Variants in ZDHHC24 observed in about 807,000 individuals in gnomAD.
The protein encoded by ZDHHC24 is zDHHC palmitoyltransferase 24.
In ZDHHC24, 17 loss-of-function variants were observed where a neutral mutation model predicts 23.2. The ratio of observed to expected loss-of-function variants is 0.73; its 90% CI spans 0.50 to 1.10. The LOEUF is 1.10. Among genes scored for constraint, ZDHHC24 ranks in the 50% least tolerant of loss-of-function variants. The pLI is 0.00. For synonymous variants in ZDHHC24, 186 were observed against 194.5 expected (o/e 0.96, Z 0.36); for missense variants, 366 against 393.0 (o/e 0.93, Z 0.58).
Position 66,543,624 on chromosome 11 carries a change from T to C in ZDHHC24, c.559+80A>G, listed in dbSNP as rs957172926. On this transcript the variant is annotated intron_variant, in intron 2 of 2. Coordinates refer to ENST00000310442, the MANE Select transcript of ZDHHC24 (RefSeq NM_207340.3). ...TGGGTCCCCCAGGCCAGAAAGCCCG[T>C]CTCCCACCAGAATGGGCTGTACTCC... The C allele has an allele frequency of 1.1e-5, 16 of 1,453,594 alleles. No individual in the cohort carries two copies. The African/African-American group carries it at 1.7e-4, about 16-fold the overall frequency. 90.0% of individuals were successfully genotyped at this position (1,453,594 alleles called of 1,614,324 possible). A position where few individuals can be genotyped will look rare whatever the true frequency, so the allele number is the denominator to read the frequency against.
chr11:66,531,632 T>C, downstream of ZDHHC24: 1 of 1,613,846 alleles, frequency 6.2e-7, no homozygotes, highest in South Asian at 1.1e-5. Context: ...GCTGGTTTCC[T>C]TACTTCTTTG....
downstream of ZDHHC24, among the ~76,000 whole-genome samples, chr11:66,535,177 G>A (rs1345413964): frequency 6.6e-6 from 1 of 151,778 alleles, no homozygotes; most frequent in Non-Finnish European, 1.5e-5. Flanking sequence ...ACAGGCATGA[G>A]CCACCACACC....
chr11:66,546,000 C>G lies in ZDHHC24; in HGVS notation c.4G>C (p.Gly2Arg), dbSNP rs970127969. The change falls in exon 1 of 3, where the codon GGG (glycine) becomes CGG (arginine). Residue 2 changes from glycine to arginine, a missense_variant. Physicochemically the swap from Gly to Arg is moderately radical, Grantham distance 125 (BLOSUM62 -2). Coordinates refer to ENST00000310442, the MANE Select transcript of ZDHHC24 (RefSeq NM_207340.3). This position sits in a 1 kb window ranked among gnomAD's most constrained non-coding sequence, Gnocchi z 4.5. MGQPWAAGSTDG... is the reference protein window; with the variant it reads MRQPWAAGSTDG... ...GTGCTCCCAGCCGCCCAGGGCTGCC[C>G]CATGGCCTGGACACCCAGCTGTCGG... 4 of 1,395,572 alleles carry G rather than the reference C, an allele frequency of 2.9e-6. No homozygotes were observed. The highest frequency in any genetic ancestry group is 3.7e-6 in the Non-Finnish European group (4 of 1,086,322). The allele number at this position is 1,395,572 out of a possible 1,614,324, so 86.4% of individuals were successfully genotyped here.
At chr11:66,529,351 A>G (rs1485305610) in exon 3 of ZDHHC24, 3 of 1,518,526 alleles carry the variant, frequency 2.0e-6, no homozygotes, top group East Asian at 2.4e-5. Context: ...TGAGGTGTTG[A>G]TGGGACCTCC....
At chr11:66,541,191 C>T (rs1040491654) in intron 2 of ZDHHC24, among the ~76,000 whole-genome samples, 60 of 151,828 alleles carry the variant, frequency 4.0e-4, no homozygotes, top group African/African-American at 1.2e-3. Flanking sequence ...CACCTGAGGT[C>T]AGGAGTTCCA....
rs1407033603 is a variant in ZDHHC24 at position 66,535,909 on chromosome 11, A to C, written c.*3620T>G. On this transcript the variant is annotated 3_prime_UTR_variant, in exon 3 of 3. Transcript: ENST00000310442. ...CCAGTGGAACCACATAGAAAAATCA[A>C]TTATTGTATTTTCAATGGATCACTA... 6.6e-6 allele frequency: 1 copy of C among 152,180 alleles called. No homozygotes were observed. Among genetic ancestry groups the C allele is most frequent in the Non-Finnish European group, 1.5e-5 (1 of 68,040 alleles). The allele number at this position is 152,180 out of a possible 1,614,324, so 9.4% of individuals were successfully genotyped here.
chr11:66,526,588 A>G (rs1441624253), intron 4 of ZDHHC24: 14 of 1,608,738 alleles, frequency 8.7e-6, no homozygotes, highest in African/African-American at 1.3e-5. Flanking sequence ...TGGGGAAGAA[A>G]GAATGGGAAT....
Position 66,523,709 on chromosome 11 carries a change from G to A in ZDHHC24, c.*22-2243C>T, listed in dbSNP as rs1856352205. 1.2e-6 allele frequency: 2 copies of A among 1,610,310 alleles called. No homozygotes were observed. Among genetic ancestry groups the A allele is most frequent in the African/African-American group, 1.3e-5 (1 of 74,936 alleles). On this transcript the variant is annotated intron_variant, in intron 4 of 4. Transcript: ENST00000526986. ...AGCCCTGAGCCCTCCACAGACGCTG[G>A]CTGTTCCCTGCCAGGGGAAGAAGCT...
Position 66,526,635 on chromosome 11 carries a change from G to A in ZDHHC24, c.*21+301C>T, listed in dbSNP as rs747049051. On this transcript the variant is annotated intron_variant, in intron 4 of 4. Coordinates refer to the ZDHHC24 transcript ENST00000526986. Reference sequence around the variant, plus strand: ...TGGGGAGGACAAATCCATTTCCACTGTCCACTTCCCTAGGTGGTGGCCTGA... The same window carrying A: ...TGGGGAGGACAAATCCATTTCCACTATCCACTTCCCTAGGTGGTGGCCTGA... 6.2e-7 allele frequency: 1 copy of A among 1,614,200 alleles called. No homozygotes were observed. The highest frequency in any genetic ancestry group is 1.7e-5 in the Admixed American group (1 of 60,020).
chr11:66,523,848 G>A lies in ZDHHC24; in HGVS notation c.*22-2382C>T, dbSNP rs147766972. 5.7e-5 allele frequency: 92 copies of A among 1,613,526 alleles called. 1 individual carries two copies. In the African/African-American group the frequency reaches 6.0e-4, roughly 11 times the overall value. On this transcript the variant is annotated intron_variant, in intron 4 of 4. Transcript: ENST00000526986. ...GCCAATGGAGAGGTCCGCATTTATC[G>A]TGACAAGGCCCTGCTCAATGTCATC...
chr11:66,525,880 G>A (rs1047903923), intron 4 of ZDHHC24, among the ~76,000 whole-genome samples: 2 of 152,182 alleles, frequency 1.3e-5, no homozygotes, highest in African/African-American at 4.8e-5. Flanking sequence ...CCCGAAAGAC[G>A]AGTCTGGGAG....
downstream of ZDHHC24, among the ~76,000 whole-genome samples, chr11:66,533,923 C>G (rs1282299025): frequency 6.6e-6 from 1 of 152,264 alleles, no homozygotes; most frequent in Non-Finnish European, 1.5e-5. Context: ...AATCCCAGCA[C>G]TTTGGGAGGC....
rs1368585999 is a variant in ZDHHC24, at chr11:66,545,097, T to TG, written c.281+625dup. Among the ~76,000 whole-genome samples the TG allele has an allele frequency of 4.6e-5, 7 of 152,192 alleles. No individual in the cohort carries two copies. Among genetic ancestry groups the TG allele is most frequent in the African/African-American group, 1.7e-4 (7 of 41,450 alleles). On this transcript the variant is annotated intron_variant, in intron 1 of 2. Transcript: ENST00000310442. This position sits in a 1 kb window ranked among gnomAD's most constrained non-coding sequence, Gnocchi z 4.5. ...CTCTGTCACCCAGGCTGGAGTGCAG[T>TG]GGCTCGATCTCGGCTCACTGCAACC...
At chr11:66,526,571 G>A in intron 4 of ZDHHC24, 1 of 1,592,934 alleles carries the variant, frequency 6.3e-7, no homozygotes, top group East Asian at 2.2e-5. Context: ...ATAGGAGGCA[G>A]ATTGTTTGGG....
At chr11:66,527,412 T>C (rs1293128080) in intron 3 of ZDHHC24, among the ~76,000 whole-genome samples, 1 of 152,076 alleles carries the variant, frequency 6.6e-6, no homozygotes, top group Non-Finnish European at 1.5e-5. Context: ...GGCTCACGCC[T>C]GTAATCCCAC....
chr11:66,524,922 C>T (rs1221414943), intron 4 of ZDHHC24, among the ~76,000 whole-genome samples: 4 of 151,960 alleles, frequency 2.6e-5, no homozygotes, highest in African/African-American at 4.8e-5. Flanking sequence ...GGGTATGGGC[C>T]GGGCACGGTG....
chr11:66,538,991 G>A lies in ZDHHC24; in HGVS notation c.*538C>T, dbSNP rs187158555. On this transcript the variant is annotated 3_prime_UTR_variant, in exon 3 of 3. Coordinates refer to ENST00000310442, the MANE Select transcript of ZDHHC24 (RefSeq NM_207340.3). Reference sequence around the variant, plus strand: ...CCCATGGACCAGGTTAGCTAAGAGAGGTTCCATGAAACTGCTGTTGCAGAA... The same window carrying A: ...CCCATGGACCAGGTTAGCTAAGAGAAGTTCCATGAAACTGCTGTTGCAGAA... 206 of 153,486 alleles carry A rather than the reference G, an allele frequency of 1.3e-3. 1 individual carries two copies. The highest frequency in any genetic ancestry group is 5.3e-3 in the South Asian group (26 of 4,864). The allele number at this position is 153,486 out of a possible 1,614,324, so 9.5% of individuals were successfully genotyped here.
intron 2 of ZDHHC24, among the ~76,000 whole-genome samples, chr11:66,540,502 G>C (rs1223366706): frequency 6.6e-6 from 1 of 151,624 alleles, no homozygotes; most frequent in African/African-American, 2.4e-5. Flanking sequence ...GGCCGAGGCG[G>C]GTGGATCACG....
At chr11:66,531,671 C>T (rs1419343441), downstream of ZDHHC24, 2 of 1,614,138 alleles carry the variant, frequency 1.2e-6, no homozygotes, top group South Asian at 2.2e-5. Context: ...CTTGCTGGTG[C>T]CAGGGCTCAA....
Sources: allele counts gnomAD v4.1 joint callset (sites outside exome capture counted in the v4.1 genomes callset), GRCh38; gene constraint gnomAD v4.1.1; non-coding constraint Gnocchi (gnomAD v3.1); transcripts MANE v1.5; gene names NCBI Gene and HGNC (gene_info 2026-07-23, HGNC 2026-07-21).